The following CC2D2A variants were observed in gnomAD, a reference collection of about 807,000 sequenced individuals.
CC2D2A encodes the protein coiled-coil and C2 domain-containing protein 2A.
CC2D2A carries 155 observed loss-of-function variants against 212.9 expected under a neutral mutation model. The observed-to-expected ratio is 0.73, with a 90% CI of 0.64 to 0.83. CC2D2A has a LOEUF of 0.83. CC2D2A is among the 40% of genes least tolerant of loss of function. The probability of loss-of-function intolerance (pLI) is 0.00; values close to 1 mark genes in which losing one functional copy is unlikely to be tolerated. For synonymous variants in CC2D2A, 667 were observed against 686.5 expected (o/e 0.97, Z 0.44); for missense variants, 1,856 against 1,956.2 (o/e 0.95, Z 0.97).
chr4:15,481,842 CAT>C (rs1200533215), intron 4 of CC2D2A: 2 of 985,234 alleles, frequency 2.0e-6, no homozygotes, highest in Non-Finnish European at 1.2e-6. Flanking sequence ...TTAGGGAAGA[CAT>C]ATGTGTTAAC....
intron 4 of CC2D2A, among the ~76,000 whole-genome samples, chr4:15,492,142 A>G (rs1715339538): frequency 6.6e-6 from 1 of 152,186 alleles, no homozygotes; most frequent in Non-Finnish European, 1.5e-5. Flanking sequence ...CACCCCATTA[A>G]ATGGACTTTA....
chr4:15,496,148 T>G (rs916163351), intron 4 of CC2D2A, among the ~76,000 whole-genome samples: 1 of 152,174 alleles, frequency 6.6e-6, no homozygotes, highest in South Asian at 2.1e-4. Context: ...GTCAGTTGCA[T>G]AGTTTGCAAA....
At chr4:15,596,274 A>G in intron 34 of CC2D2A, 67 bp downstream of exon 34, 2 of 1,390,194 alleles carry the variant, frequency 1.4e-6, no homozygotes, top group Non-Finnish European at 1.9e-6. Flanking sequence ...CTGGGTTACA[A>G]GATATTTTTT....
chr4:15,575,160 C>T (rs1720348176), intron 29 of CC2D2A, among the ~76,000 whole-genome samples: 2 of 152,172 alleles, frequency 1.3e-5, no homozygotes, highest in African/African-American at 4.8e-5. Flanking sequence ...ACAGTAATAA[C>T]ATCAACAACA....
chr4:15,481,561 C>A (rs374707847), intron 4 of CC2D2A: 1 of 187,886 alleles, frequency 5.3e-6, no homozygotes. Context: ...CTCTCTCTTG[C>A]TCCCTCTCTC....
At chr4:15,552,320 G>A (rs535633220) in intron 18 of CC2D2A, among the ~76,000 whole-genome samples, 130 of 152,230 alleles carry the variant, frequency 8.5e-4, no homozygotes, top group African/African-American at 2.8e-3. Flanking sequence ...CTGTCTTAGG[G>A]TGCTTGCACT....
intron 35 of CC2D2A, among the ~76,000 whole-genome samples, 179 bp from the exon 36 acceptor site, chr4:15,599,350 T>A (rs1721471757): frequency 6.6e-6 from 1 of 152,142 alleles, no homozygotes; most frequent in Non-Finnish European, 1.5e-5. Flanking sequence ...GGACTGCATG[T>A]TAATTTTGAA....
At position 15,510,000 on chromosome 4, in the gene CC2D2A, A is replaced by T. The variant is rs1716472876; in HGVS notation, c.439-139A>T. ...ATGACTGCATTTGAAATTTGCCAGC[A>T]TTCCATGCCTTAGGAATGATAAGAT... is the stretch of plus-strand genomic sequence containing the variant. On this transcript the variant is annotated intron_variant, in intron 6 of 36. Transcript: ENST00000424120. 4.5e-6 allele frequency: 3 copies of T among 668,148 alleles called. No homozygotes were observed. The Admixed American group carries it at 9.1e-5, about 20-fold the overall frequency. 41.4% of individuals were successfully genotyped at this position (668,148 alleles called of 1,614,324 possible).
At chr4:15,555,258 A>G (rs1226804135) in intron 20 of CC2D2A, 48 bp downstream of exon 20, 2 of 1,594,642 alleles carry the variant, frequency 1.3e-6, no homozygotes, top group African/African-American at 1.3e-5. Context: ...GGCCTTTTAC[A>G]CAATTTTCCT....
At chr4:15,514,434 G>A (rs1716742548) in intron 8 of CC2D2A, among the ~76,000 whole-genome samples, 1 of 152,116 alleles carries the variant, frequency 6.6e-6, no homozygotes, top group Non-Finnish European at 1.5e-5. Flanking sequence ...AGATTTGTTG[G>A]GATTTTGATT....
chr4:15,487,957 T>TC (rs34105045), intron 4 of CC2D2A, among the ~76,000 whole-genome samples: 70,067 of 151,390 alleles, frequency 0.46, 16,848 homozygotes, highest in African/African-American at 0.58. Context: ...TAACCCCGTC[T>TC]CCCCCCTGCT....
chr4:15,559,415 C>T (rs1209556981), intron 22 of CC2D2A, among the ~76,000 whole-genome samples, 158 bp downstream of exon 22: 4 of 152,190 alleles, frequency 2.6e-5, no homozygotes, highest in Admixed American at 2.6e-4. Context: ...TGATTGACAA[C>T]TATCATCACC....
At chr4:15,547,083 C>A (rs915606403) in intron 17 of CC2D2A, among the ~76,000 whole-genome samples, 9 of 152,038 alleles carry the variant, frequency 5.9e-5, no homozygotes, top group African/African-American at 2.2e-4. Context: ...AGGAAAAAAA[C>A]ATGCTGGTTA....
chr4:15,535,650 T>C (rs1577356382), intron 14 of CC2D2A, among the ~76,000 whole-genome samples: 1 of 152,316 alleles, frequency 6.6e-6, no homozygotes, highest in African/African-American at 2.4e-5. Flanking sequence ...TGTTTATAAA[T>C]TTCGGGTACC....
In CC2D2A at chr4:15,587,930, G is replaced by GT; in HGVS notation, c.4179+2dup. 6.3e-7 allele frequency: 1 copy of GT among 1,575,222 alleles called. No individual in the cohort carries two copies. The highest frequency in any genetic ancestry group is 1.7e-4 in the Middle Eastern group (1 of 5,972). Reference sequence around the variant, plus strand: ...GTTGATGGGCAATGCTATTCCTGAGGTAAGACCACATAGGCTGCCTTTAAC... The same window carrying GT: ...GTTGATGGGCAATGCTATTCCTGAGGTTAAGACCACATAGGCTGCCTTTAAC... On this transcript the variant is annotated splice_donor_variant, in intron 32 of 36. Coordinates refer to ENST00000424120, the MANE Select transcript of CC2D2A (RefSeq NM_001378615.1). LOFTEE classifies it high-confidence loss of function.
intron 14 of CC2D2A, among the ~76,000 whole-genome samples, chr4:15,535,128 A>G (rs1718058724): frequency 6.6e-6 from 1 of 152,190 alleles, no homozygotes; most frequent in African/African-American, 2.4e-5. Context: ...CTGCTCAGTT[A>G]ATATTGGTTA....
chr4:15,521,711 T>C (rs1441305486), intron 11 of CC2D2A, among the ~76,000 whole-genome samples: 3 of 152,242 alleles, frequency 2.0e-5, no homozygotes, highest in African/African-American at 4.8e-5. Context: ...GCCTGGCACA[T>C]AGAAATACCT....
chr4:15,599,434 T>G, intron 35 of CC2D2A, 95 bp from the exon 36 acceptor site: 1 of 755,486 alleles, frequency 1.3e-6, no homozygotes. Context: ...AAAATATAGT[T>G]ATACAATCAT....
chr4:15,470,603 A>G (rs1713662897), intron 1 of CC2D2A, among the ~76,000 whole-genome samples: 2 of 149,180 alleles, frequency 1.3e-5, no homozygotes, highest in South Asian at 4.3e-4. Context: ...TTGCTACTGC[A>G]TTTTCATATA....
Sources: allele counts gnomAD v4.1 joint callset (sites outside exome capture counted in the v4.1 genomes callset), GRCh38; gene constraint gnomAD v4.1.1; transcripts MANE v1.5; gene names NCBI Gene and HGNC (gene_info 2026-07-23, HGNC 2026-07-21).